CAST: variants seen among roughly 807,000 people sequenced by gnomAD.
CAST encodes the protein MIR583 host.
Under a neutral mutation model 119.6 loss-of-function variants are expected in CAST, and 76 were observed. That is an observed-to-expected ratio of 0.64 (90% CI 0.53 to 0.77). The LOEUF is 0.77. Among genes scored for constraint, CAST ranks in the 30% least tolerant of loss-of-function variants. The pLI is 0.00. For synonymous variants in CAST, 319 were observed against 331.6 expected (o/e 0.96, Z 0.41); for missense variants, 953 against 946.5 (o/e 1.01, Z -0.09).
the CAST span, among the ~76,000 whole-genome samples, chr5:96,218,586 A>G: frequency 6.6e-6 from 1 of 152,100 alleles, no homozygotes; most frequent in South Asian, 2.1e-4. Flanking sequence ...AGCCTTTCCC[A>G]ACTTCTGCTG....
the CAST span, among the ~76,000 whole-genome samples, chr5:96,019,214 A>T: frequency 5.3e-5 from 8 of 152,216 alleles, no homozygotes; most frequent in Admixed American, 2.6e-4. Flanking sequence ...ACAGTTACCC[A>T]CAATCCCAAG....
the CAST span, among the ~76,000 whole-genome samples, chr5:96,166,499 C>T: frequency 6.6e-6 from 1 of 152,124 alleles, no homozygotes; most frequent in South Asian, 2.1e-4. Flanking sequence ...TCCCAGGATA[C>T]AGAAACACCA....
the CAST span, among the ~76,000 whole-genome samples, chr5:96,177,626 C>T: frequency 3.3e-4 from 50 of 152,316 alleles, 1 homozygote; most frequent in African/African-American, 1.1e-3. Flanking sequence ...AAATGAATCA[C>T]TGTGGCATCT....
At chr5:96,257,759 G>A in the CAST span, among the ~76,000 whole-genome samples, 2 of 152,220 alleles carry the variant, frequency 1.3e-5, no homozygotes, top group Non-Finnish European at 1.5e-5. Context: ...CCTTTGGTCA[G>A]TTCTTTGTTC....
At chr5:95,987,869 A>C in the CAST span, among the ~76,000 whole-genome samples, 3 of 152,240 alleles carry the variant, frequency 2.0e-5, no homozygotes, top group Non-Finnish European at 4.4e-5. Context: ...TGCACTAGCC[A>C]CATTTAAAGT....
chr5:96,467,074 T>G, the CAST span, among the ~76,000 whole-genome samples: 1 of 152,150 alleles, frequency 6.6e-6, no homozygotes, highest in African/African-American at 2.4e-5. Context: ...TTTATTTATC[T>G]AATTATTAGT....
At chr5:96,182,524 T>C in the CAST span, among the ~76,000 whole-genome samples, 1 of 152,204 alleles carries the variant, frequency 6.6e-6, no homozygotes, top group African/African-American at 2.4e-5. Context: ...GAAAGATGAA[T>C]TGATTTTAAA....
intron 4 of CAST, among the ~76,000 whole-genome samples, chr5:96,723,636 G>T (rs1363842283): frequency 6.6e-6 from 1 of 152,082 alleles, no homozygotes; most frequent in East Asian, 1.9e-4. Flanking sequence ...TTGTTCTGAA[G>T]AGCTGGCTGC....
the CAST span, among the ~76,000 whole-genome samples, chr5:96,091,600 G>T: frequency 6.7e-6 from 1 of 149,160 alleles, no homozygotes; most frequent in Non-Finnish European, 1.5e-5. Flanking sequence ...TGCCCTCCCA[G>T]GCTCAAGTGA....
the CAST span, among the ~76,000 whole-genome samples, chr5:96,451,330 G>C: frequency 1.3e-5 from 2 of 152,086 alleles, no homozygotes; most frequent in African/African-American, 4.8e-5. Context: ...AAAGAAATTA[G>C]AAAACTAGTG....
At chr5:96,152,833 T>C in the CAST span, among the ~76,000 whole-genome samples, 2 of 152,216 alleles carry the variant, frequency 1.3e-5, no homozygotes, top group African/African-American at 2.4e-5. Flanking sequence ...TTCCCATTGG[T>C]GCAAAGCAGT....
At chr5:96,237,429 G>A in the CAST span, among the ~76,000 whole-genome samples, 1 of 152,164 alleles carries the variant, frequency 6.6e-6, no homozygotes, top group East Asian at 1.9e-4. Context: ...TGGGAATTAG[G>A]GATTTATTAG....
the CAST span, among the ~76,000 whole-genome samples, chr5:96,366,620 C>G: frequency 6.6e-6 from 1 of 152,216 alleles, no homozygotes; most frequent in African/African-American, 2.4e-5. Context: ...TTGATCGAAT[C>G]AGCTACTGAA....
the CAST span, among the ~76,000 whole-genome samples, chr5:96,434,619 G>T: frequency 8.4e-3 from 872 of 103,258 alleles, 5 homozygotes; most frequent in African/African-American, 0.017. Context: ...TTTTTTTTTT[G>T]TTGTTGTTGT....
chr5:96,520,823 G>A (rs1580808910), upstream of CAST, among the ~76,000 whole-genome samples: 1 of 152,074 alleles, frequency 6.6e-6, no homozygotes, highest in Non-Finnish European at 1.5e-5. Context: ...CACCTACTAT[G>A]TACAGGCACC....
chr5:96,452,452 T>C, the CAST span, among the ~76,000 whole-genome samples: 1 of 151,838 alleles, frequency 6.6e-6, no homozygotes, highest in Admixed American at 6.6e-5. Context: ...TGAGAATACA[T>C]GGACACAAGG....
the CAST span, among the ~76,000 whole-genome samples, chr5:95,985,562 C>T: frequency 3.9e-5 from 6 of 152,166 alleles, no homozygotes; most frequent in Non-Finnish European, 7.3e-5. Flanking sequence ...CTGTGTCTCA[C>T]GTTCCCTAAG....
At chr5:96,528,255 A>G (rs1003416190), upstream of CAST, among the ~76,000 whole-genome samples, 1 of 152,182 alleles carries the variant, frequency 6.6e-6, no homozygotes, top group Non-Finnish European at 1.5e-5. Flanking sequence ...ATAATAAAGC[A>G]TTTTTAAGCT....
chr5:96,195,970 T>C, the CAST span, among the ~76,000 whole-genome samples: 1 of 152,218 alleles, frequency 6.6e-6, no homozygotes, highest in South Asian at 2.1e-4. Context: ...TTACATTCAA[T>C]AGTTAGAGTG....
Sources: gnomAD v4.1 joint callset for allele counts (sites outside exome capture counted in the v4.1 genomes callset) on GRCh38, gnomAD v4.1.1 for gene constraint, MANE v1.5 for transcripts, NCBI Gene and HGNC (gene_info 2026-07-23, HGNC 2026-07-21) for gene names.